Variants in LUC7L2 observed in about 807,000 individuals in gnomAD.
LUC7L2 encodes the protein putative RNA-binding protein Luc7-like 2.
A neutral mutation model predicts 52.8 loss-of-function variants in LUC7L2; 25 were observed. The ratio of observed to expected loss-of-function variants is 0.47; its 90% confidence interval spans 0.34 to 0.66. The LOEUF (loss-of-function observed/expected upper bound fraction) is 0.66, where lower values mean the gene tolerates loss of function less well. LUC7L2 is among the 30% of genes least tolerant of loss of function. The pLI is 0.01. For missense variants in LUC7L2, 328 were observed against 497.8 expected (o/e 0.66, Z 3.25); for synonymous variants, 144 against 160.9 (o/e 0.89, Z 0.80).
chr7:139,360,480 C>G (rs866879820), intron 1 of LUC7L2, among the ~76,000 whole-genome samples, 158 bp downstream of exon 1: 1 of 152,184 alleles, frequency 6.6e-6, no homozygotes, highest in Non-Finnish European at 1.5e-5. Context: ...AATCAGGGCT[C>G]GGCAGGCGGG....
At chr7:139,341,180 G>C (rs1196748402) in intron 1 of LUC7L2, 1 of 800,292 alleles carries the variant, frequency 1.2e-6, no homozygotes, top group African/African-American at 1.8e-5. Flanking sequence ...GTTAACAGTC[G>C]GGTTTCGTTT....
chr7:139,406,195 G>A (rs1272418118), intron 5 of LUC7L2, among the ~76,000 whole-genome samples: 9 of 152,078 alleles, frequency 5.9e-5, no homozygotes, highest in Non-Finnish European at 1.2e-4. Flanking sequence ...GGGATTACAG[G>A]CCCATGCCAC....
At chr7:139,419,528 A>G (rs1056387376) in intron 9 of LUC7L2, among the ~76,000 whole-genome samples, 2 of 152,230 alleles carry the variant, frequency 1.3e-5, no homozygotes, top group African/African-American at 4.8e-5. Flanking sequence ...TATCTGCACA[A>G]TGAATTTTCA....
intron 9 of LUC7L2, among the ~76,000 whole-genome samples, chr7:139,420,924 G>C (rs189777221): frequency 1.3e-5 from 2 of 151,826 alleles, no homozygotes; most frequent in Non-Finnish European, 2.9e-5. Context: ...TCAGCCTCCC[G>C]AGTAGCTGGG....
chr7:139,366,689 A>G (rs911346896), intron 1 of LUC7L2, among the ~76,000 whole-genome samples: 3 of 152,210 alleles, frequency 2.0e-5, no homozygotes, highest in Admixed American at 2.0e-4. Flanking sequence ...AACATTTACC[A>G]TTTGACTCTA....
At chr7:139,364,362 G>A (rs1191245628) in intron 1 of LUC7L2, among the ~76,000 whole-genome samples, 1 of 152,100 alleles carries the variant, frequency 6.6e-6, no homozygotes, top group Non-Finnish European at 1.5e-5. Context: ...GATTAAAATA[G>A]GCAGGAATGG....
At chr7:139,379,858 G>T (rs1162183634) in intron 2 of LUC7L2, among the ~76,000 whole-genome samples, 1 of 152,078 alleles carries the variant, frequency 6.6e-6, no homozygotes, top group Admixed American at 6.6e-5. Flanking sequence ...GAGCCACTGT[G>T]CCTGGTCTGG....
intron 1 of LUC7L2, among the ~76,000 whole-genome samples, chr7:139,349,970 T>C (rs1799398803): frequency 6.6e-6 from 1 of 152,202 alleles, no homozygotes; most frequent in South Asian, 2.1e-4. Flanking sequence ...TTGCAGTCAA[T>C]TCTCCTTCCC....
intron 3 of LUC7L2, among the ~76,000 whole-genome samples, chr7:139,400,410 G>A (rs1373349993): frequency 1.3e-5 from 2 of 152,200 alleles, no homozygotes; most frequent in Non-Finnish European, 2.9e-5. Context: ...TCAGGAGGCT[G>A]AGGCAGGAGA....
intron 1 of LUC7L2, among the ~76,000 whole-genome samples, chr7:139,370,512 C>T (rs1367092143): frequency 6.6e-6 from 1 of 152,116 alleles, no homozygotes; most frequent in African/African-American, 2.4e-5. Context: ...GGCTGGAGTG[C>T]AGTGGTGCTA....
chr7:139,417,738 G>A lies in LUC7L2; in HGVS notation c.1001+9G>A. ...GAACGATCCAAGAGGAGGTATTGAT[G>A]TGTCAATCAGAGGATATGGAGCTAC... On this transcript the variant is annotated intron_variant, in intron 9 of 9. Transcript: ENST00000354926. The A allele has an allele frequency of 1.9e-6, 3 of 1,611,336 alleles. No individual in the cohort carries two copies. The highest frequency in any genetic ancestry group is 1.7e-6 in the Non-Finnish European group (2 of 1,177,666).
chr7:139,380,432 T>G (rs2131226907), intron 2 of LUC7L2, among the ~76,000 whole-genome samples: 1 of 151,790 alleles, frequency 6.6e-6, no homozygotes, highest in East Asian at 2.0e-4. Flanking sequence ...ATCCTGTCTC[T>G]GCTAAAAATA....
At chr7:139,415,314 G>A (rs1326129324) in intron 8 of LUC7L2, among the ~76,000 whole-genome samples, 2 of 151,438 alleles carry the variant, frequency 1.3e-5, no homozygotes, top group Non-Finnish European at 2.9e-5. Context: ...GTTTAGTGCA[G>A]GAACTTTGTT....
intron 2 of LUC7L2, 151 bp from the exon 3 acceptor site, chr7:139,398,448 A>G: frequency 1.9e-6 from 1 of 513,748 alleles, no homozygotes; most frequent in Non-Finnish European, 3.2e-6. Context: ...ACCACGTTTT[A>G]TATTTGTCTA....
intron 1 of LUC7L2, among the ~76,000 whole-genome samples, chr7:139,365,231 A>G (rs1256907653): frequency 1.5e-4 from 23 of 152,388 alleles, no homozygotes; most frequent in Non-Finnish European, 5.9e-5. Context: ...CAATAAAAGT[A>G]TCACTTCATA....
chr7:139,399,301 G>A (rs1014835394), intron 3 of LUC7L2, among the ~76,000 whole-genome samples: 9 of 151,918 alleles, frequency 5.9e-5, no homozygotes, highest in Admixed American at 2.0e-4. Context: ...ACATTTTAAA[G>A]TATATGGGAG....
At chr7:139,357,297 A>G (rs1453105385), upstream of LUC7L2, among the ~76,000 whole-genome samples, 1 of 152,204 alleles carries the variant, frequency 6.6e-6, no homozygotes, top group East Asian at 1.9e-4. Context: ...AATTACATGA[A>G]TATAAATCAT....
intron 2 of LUC7L2, among the ~76,000 whole-genome samples, chr7:139,380,196 TAATC>T (rs1337198234): frequency 1.3e-5 from 2 of 151,832 alleles, no homozygotes; most frequent in Non-Finnish European, 2.9e-5. Flanking sequence ...ATTAATAAAT[TAATC>T]AGAGGAGGTA....
At chr7:139,388,347 C>G (rs1349249718) in intron 2 of LUC7L2, among the ~76,000 whole-genome samples, 1 of 151,898 alleles carries the variant, frequency 6.6e-6, no homozygotes, top group African/African-American at 2.4e-5. Context: ...TTTATCTTTA[C>G]TTTGGGAAAA....
Sources: gnomAD v4.1 joint callset for allele counts (sites outside exome capture counted in the v4.1 genomes callset) on GRCh38, gnomAD v4.1.1 for gene constraint, MANE v1.5 for transcripts, NCBI Gene and HGNC (gene_info 2026-07-23, HGNC 2026-07-21) for gene names.